CAST: variants seen among roughly 807,000 people sequenced by gnomAD.
CAST encodes the protein MIR583 host.
A neutral mutation model predicts 119.6 loss-of-function variants in CAST; 76 were observed. That is an observed-to-expected ratio of 0.64 (90% confidence interval 0.53 to 0.77). The LOEUF (loss-of-function observed/expected upper bound fraction) is 0.77. Among genes scored for constraint, CAST ranks in the 30% least tolerant of loss-of-function variants. The pLI is 0.00. For synonymous variants in CAST, 319 were observed against 331.6 expected (o/e 0.96, Z 0.41); for missense variants, 953 against 946.5 (o/e 1.01, Z -0.09).
At chr5:96,159,996 C>T in the CAST span, among the ~76,000 whole-genome samples, 7 of 151,292 alleles carry the variant, frequency 4.6e-5, no homozygotes, top group African/African-American at 1.7e-4. Flanking sequence ...AAAAATTAGC[C>T]GGGCATGGTG....
intron 1 of CAST, among the ~76,000 whole-genome samples, chr5:96,617,326 CA>C (rs1177280413): frequency 6.6e-6 from 1 of 151,938 alleles, no homozygotes; most frequent in Non-Finnish European, 1.5e-5. Flanking sequence ...GAACCCCCAA[CA>C]AAAATGGCGA....
intron 1 of CAST, among the ~76,000 whole-genome samples, chr5:96,577,861 T>A (rs986393120): frequency 6.6e-6 from 1 of 152,202 alleles, no homozygotes; most frequent in Non-Finnish European, 1.5e-5. Flanking sequence ...TGGGATGGAA[T>A]CTTCGTTCTA....
the CAST span, among the ~76,000 whole-genome samples, chr5:96,335,046 C>T: frequency 8.5e-5 from 13 of 152,130 alleles, no homozygotes; most frequent in Admixed American, 7.9e-4. Context: ...CATGCCAAGA[C>T]CAGGTTCCAC....
the CAST span, among the ~76,000 whole-genome samples, chr5:96,117,598 TAA>T: frequency 6.6e-6 from 1 of 152,194 alleles, no homozygotes; most frequent in Non-Finnish European, 1.5e-5. Context: ...GGTAATTTTT[TAA>T]AGTCATTAAA....
At chr5:96,365,538 T>A in the CAST span, among the ~76,000 whole-genome samples, 1 of 152,240 alleles carries the variant, frequency 6.6e-6, no homozygotes, top group East Asian at 1.9e-4. Context: ...TTTAGGATAG[T>A]TAGCTCTTCT....
At chr5:96,557,637 T>C (rs914387474) in intron 1 of CAST, among the ~76,000 whole-genome samples, 2 of 152,184 alleles carry the variant, frequency 1.3e-5, no homozygotes, top group Non-Finnish European at 2.9e-5. Context: ...AAGGGATCAA[T>C]TCAACAAGAA....
chr5:95,961,596 G>C, the CAST span: 2 of 1,603,776 alleles, frequency 1.2e-6, no homozygotes, highest in African/African-American at 2.7e-5. Flanking sequence ...GGTAAGTCTC[G>C]AGCGCCCGGA....
At chr5:96,319,658 T>C in the CAST span, among the ~76,000 whole-genome samples, 2 of 152,158 alleles carry the variant, frequency 1.3e-5, no homozygotes, top group Admixed American at 1.3e-4. Context: ...GAAACCATAA[T>C]GTATTGTTAC....
At chr5:96,105,887 C>A in the CAST span, among the ~76,000 whole-genome samples, 1 of 152,144 alleles carries the variant, frequency 6.6e-6, no homozygotes, top group African/African-American at 2.4e-5. Context: ...GGTTGGTAAG[C>A]TATTGATTAT....
At chr5:96,396,023 C>T in the CAST span, among the ~76,000 whole-genome samples, 15 of 152,094 alleles carry the variant, frequency 9.9e-5, no homozygotes, top group African/African-American at 3.1e-4. Context: ...AATAGATTTT[C>T]TTAGTTTCCT....
chr5:96,510,353 T>C, the CAST span, among the ~76,000 whole-genome samples: 1 of 152,220 alleles, frequency 6.6e-6, no homozygotes, highest in Non-Finnish European at 1.5e-5. Flanking sequence ...GTAAATACAA[T>C]TCACCCAGGA....
the CAST span, among the ~76,000 whole-genome samples, chr5:96,464,659 T>C: frequency 1.3e-5 from 2 of 152,100 alleles, no homozygotes. Context: ...TCATTTTTAA[T>C]TTCCTTTTTC....
chr5:96,657,268 G>T (rs576077047), upstream of CAST, among the ~76,000 whole-genome samples: 1 of 152,138 alleles, frequency 6.6e-6, no homozygotes, highest in Non-Finnish European at 1.5e-5. Context: ...GAAGCCTGGG[G>T]TGAGTCACCA....
At chr5:96,273,657 G>C in the CAST span, among the ~76,000 whole-genome samples, 1 of 152,126 alleles carries the variant, frequency 6.6e-6, no homozygotes, top group Non-Finnish European at 1.5e-5. Flanking sequence ...TTTTCAAATT[G>C]CTTGCGTAGA....
chr5:96,325,344 C>T, the CAST span, among the ~76,000 whole-genome samples: 1 of 149,714 alleles, frequency 6.7e-6, no homozygotes, highest in Non-Finnish European at 1.5e-5. Flanking sequence ...AAAATCAGCT[C>T]CAAGCAATCA....
the CAST span, among the ~76,000 whole-genome samples, chr5:96,260,759 A>G: frequency 6.6e-6 from 1 of 151,974 alleles, no homozygotes; most frequent in East Asian, 1.9e-4. Flanking sequence ...AGGCAACTTC[A>G]AAGTCTGAGA....
chr5:96,279,122 C>T, the CAST span, among the ~76,000 whole-genome samples: 5 of 152,144 alleles, frequency 3.3e-5, no homozygotes, highest in Non-Finnish European at 7.3e-5. Context: ...CACTTGGTCT[C>T]TCGGGTGGAC....
At chr5:96,357,858 T>C in the CAST span, among the ~76,000 whole-genome samples, 18 of 152,302 alleles carry the variant, frequency 1.2e-4, no homozygotes, top group Non-Finnish European at 2.4e-4. Flanking sequence ...ATGAGTTAGA[T>C]AGGAGTCTCT....
At chr5:95,973,784 C>T in the CAST span, among the ~76,000 whole-genome samples, 1 of 152,156 alleles carries the variant, frequency 6.6e-6, no homozygotes, top group African/African-American at 2.4e-5. Context: ...CAAATTCTCT[C>T]AAGCATCCTA....
Sources: gnomAD v4.1 joint callset for allele counts (sites outside exome capture counted in the v4.1 genomes callset) on GRCh38, gnomAD v4.1.1 for gene constraint, MANE v1.5 for transcripts, NCBI Gene and HGNC (gene_info 2026-07-23, HGNC 2026-07-21) for gene names.